The following SLC9A1 variants were observed in gnomAD, a reference collection of about 807,000 sequenced individuals.
SLC9A1 encodes sodium/hydrogen exchanger 1.
A neutral mutation model predicts 67.9 loss-of-function variants in SLC9A1; 22 were observed. That is an observed-to-expected ratio of 0.32 (90% confidence interval 0.23 to 0.46). The LOEUF is 0.46. SLC9A1 is among the 20% of genes least tolerant of loss of function. The probability of loss-of-function intolerance (pLI) is 1.00; values close to 1 mark genes in which losing one functional copy is unlikely to be tolerated. For synonymous variants in SLC9A1, 421 were observed against 471.8 expected (o/e 0.89, Z 1.40); for missense variants, 686 against 1,094.8 (o/e 0.63, Z 5.27).
intron 1 of SLC9A1, among the ~76,000 whole-genome samples, chr1:27,139,817 CAG>C (rs1352584964): frequency 2.7e-5 from 4 of 145,928 alleles, no homozygotes; most frequent in African/African-American, 7.6e-5. Flanking sequence ...TTTTTTGAAA[CAG>C]AGTTTCGCTG....
At chr1:27,116,366 C>G (rs1258016023) in intron 1 of SLC9A1, among the ~76,000 whole-genome samples, 3 of 151,826 alleles carry the variant, frequency 2.0e-5, no homozygotes, top group Non-Finnish European at 2.9e-5. Context: ...GCCTGGGCAA[C>G]AGAGCAAGAC....
At chr1:27,130,510 T>C (rs1035894568) in intron 1 of SLC9A1, among the ~76,000 whole-genome samples, 5 of 152,142 alleles carry the variant, frequency 3.3e-5, no homozygotes, top group Admixed American at 2.6e-4. Context: ...TAATGGGAAA[T>C]GGAGCTCCAC....
chr1:27,135,704 A>G (rs970834348), intron 1 of SLC9A1, among the ~76,000 whole-genome samples: 3 of 152,198 alleles, frequency 2.0e-5, no homozygotes, highest in African/African-American at 7.2e-5. Context: ...AAAGGGAACC[A>G]ATCCAAAAGC....
At chr1:27,132,934 T>C (rs745607115) in intron 1 of SLC9A1, among the ~76,000 whole-genome samples, 6 of 152,166 alleles carry the variant, frequency 3.9e-5, no homozygotes, top group African/African-American at 1.4e-4. Flanking sequence ...TGTGACGTGG[T>C]AGCTAAACAC....
intron 5 of SLC9A1, among the ~76,000 whole-genome samples, chr1:27,104,245 C>T (rs2083168635): frequency 6.6e-6 from 1 of 151,678 alleles, no homozygotes; most frequent in African/African-American, 2.4e-5. Flanking sequence ...CCACGCCCAG[C>T]TAATTTTTGT....
rs778322299 is a variant in SLC9A1, at chr1:27,106,134, C to T, written c.1283-47G>A. 9.5e-6 allele frequency: 12 copies of T among 1,265,272 alleles called. No individual in the cohort carries two copies. The highest frequency in any genetic ancestry group is 2.6e-4 in the Middle Eastern group (1 of 3,878). The allele number at this position is 1,265,272 out of a possible 1,614,324, so 78.4% of individuals were successfully genotyped here. Reference sequence around the variant, plus strand: ...GATGAGGGTCAGGTCGGGCTGTCCCCAGTCCCTCCTGGATTCTGCATCAGT... The same window carrying T: ...GATGAGGGTCAGGTCGGGCTGTCCCTAGTCCCTCCTGGATTCTGCATCAGT... On this transcript the variant is annotated intron_variant, in intron 4 of 11. Coordinates refer to ENST00000263980, the MANE Select transcript of SLC9A1 (RefSeq NM_003047.5). This position sits in a 1 kb window ranked among gnomAD's most constrained non-coding sequence, Gnocchi z 4.3.
chr1:27,111,579 T>C (rs995384682), intron 2 of SLC9A1, among the ~76,000 whole-genome samples: 5 of 152,142 alleles, frequency 3.3e-5, no homozygotes, highest in African/African-American at 1.2e-4. Context: ...GAGCATCGCT[T>C]GTGCCCGGGA....
chr1:27,154,401 A>G lies in SLC9A1; in HGVS notation c.-67T>C. 1 of 980,748 alleles carries G rather than the reference A, an allele frequency of 1.0e-6. No individual in the cohort carries two copies. Among genetic ancestry groups the G allele is most frequent in the East Asian group, 2.6e-5 (1 of 38,832 alleles). The allele number at this position is 980,748 out of a possible 1,614,324, so 60.8% of individuals were successfully genotyped here. A position where few individuals can be genotyped will look rare whatever the true frequency, so the allele number is the denominator to read the frequency against. ...AGTAAAACCGGGCACATAGGTAGCA[A>G]AGGGTCAGCAAGTGGGAAGAGAGAC... On this transcript the variant is annotated 5_prime_UTR_variant, in exon 1 of 12. Coordinates refer to ENST00000263980, the MANE Select transcript of SLC9A1 (RefSeq NM_003047.5).
Position 27,114,128 on chromosome 1 carries a change from G to C in SLC9A1, c.511C>G (p.Leu171Val), listed in dbSNP as rs2083250033. Residue 171 changes from leucine to valine, a missense_variant, in exon 2 of 12, where the codon CTG (leucine) becomes GTG (valine). By Grantham distance (32) the Leu-to-Val change is conservative. Transcript: ENST00000263980. This position sits in a 1 kb window ranked among gnomAD's most constrained non-coding sequence, Gnocchi z 5.4. ...FFLFLLPPII[L>V]DAGYFLPLRQ... ...AGTGGCAGGAAGTAGCCCGCATCCA[G>C]GATGATGGGCGGCAGCAGGAAGAGG... 6.2e-7 allele frequency: 1 copy of C among 1,614,102 alleles called. No homozygotes were observed.
Position 27,101,905 on chromosome 1 carries a change from C to T in SLC9A1, c.1936-79G>A, listed in dbSNP as rs780549981. On this transcript the variant is annotated intron_variant, in intron 9 of 11. Transcript: ENST00000263980. This position sits in a 1 kb window ranked among gnomAD's most constrained non-coding sequence, Gnocchi z 4.9. ...GAGGGGTGGGGGCAGTGCTGGAGGCCGGGCCAGTCCTGGGGTGGGTGCCGA... is the reference window on the plus strand; with the variant it reads ...GAGGGGTGGGGGCAGTGCTGGAGGCTGGGCCAGTCCTGGGGTGGGTGCCGA... The T allele has an allele frequency of 6.1e-4, 856 of 1,408,182 alleles. No homozygotes were observed. The highest frequency in any genetic ancestry group is 7.9e-4 in the Non-Finnish European group (786 of 999,106). The allele number at this position is 1,408,182 out of a possible 1,614,324, so 87.2% of individuals were successfully genotyped here.
chr1:27,107,883 G>C lies in SLC9A1; in HGVS notation c.1065-18C>G, dbSNP rs368149607. ...CTATGAGCCTGGAGCAGGAAAGAGC[G>C]GGGTCAGGGCTCCGTGTCGAGCTGC... On this transcript the variant is annotated intron_variant, in intron 3 of 11. Transcript: ENST00000263980. 1.1e-5 allele frequency: 17 copies of C among 1,564,012 alleles called. No individual in the cohort carries two copies. The highest frequency in any genetic ancestry group is 1.5e-5 in the Non-Finnish European group (17 of 1,148,712).
chr1:27,151,832 G>A (rs2083530694), intron 1 of SLC9A1, among the ~76,000 whole-genome samples: 1 of 152,174 alleles, frequency 6.6e-6, no homozygotes, highest in Admixed American at 6.5e-5. Context: ...CTCCACTCAT[G>A]GCCAGATGCT....
At chr1:27,140,090 G>A (rs769830311) in intron 1 of SLC9A1, among the ~76,000 whole-genome samples, 24 of 151,850 alleles carry the variant, frequency 1.6e-4, no homozygotes, top group Non-Finnish European at 3.1e-4. Context: ...ACCGCACCTG[G>A]CCAAAACACT....
intron 2 of SLC9A1, among the ~76,000 whole-genome samples, chr1:27,110,018 A>G (rs1200725984): frequency 6.6e-6 from 1 of 152,234 alleles, no homozygotes; most frequent in Non-Finnish European, 1.5e-5. Flanking sequence ...AGCTCTGTGA[A>G]GACCCTGAAG....
intron 4 of SLC9A1, among the ~76,000 whole-genome samples, chr1:27,107,358 ATAC>A (rs1183715223): frequency 1.6e-5 from 2 of 126,848 alleles, no homozygotes; most frequent in Non-Finnish European, 3.4e-5. Flanking sequence ...TCCACACAAC[ATAC>A]TACACACACA....
At position 27,128,627 on chromosome 1, in the gene SLC9A1, A is replaced by G. The variant is rs185772866; in HGVS notation, c.353-14341T>C. On this transcript the variant is annotated intron_variant, in intron 1 of 11. Transcript: ENST00000263980. ...GCCGAGATCATGCCAACTGCACTCT[A>G]TCCTGGGCAACAGGGTGAGACCCTG... is the stretch of plus-strand genomic sequence containing the variant. 6.3e-3 allele frequency among the ~76,000 whole-genome samples: 885 copies of G among 140,994 alleles called. 5 individuals are homozygous for G. The highest frequency in any genetic ancestry group is 7.6e-3 in the Non-Finnish European group (502 of 65,778). The allele number at this position is 140,994 out of a possible 152,430, so 92.5% of individuals were successfully genotyped here.
At chr1:27,110,816 TA>T (rs1402477483) in intron 2 of SLC9A1, among the ~76,000 whole-genome samples, 1 of 152,166 alleles carries the variant, frequency 6.6e-6, no homozygotes, top group Admixed American at 6.5e-5. Context: ...CTGCCTGGCC[TA>T]CTCAAGTCTG....
At position 27,106,694 on chromosome 1, in the gene SLC9A1, G is replaced by C. The variant is rs1486566005; in HGVS notation, c.1283-607C>G. ...GAGGCATGTGGGGCACATGTGAGTG[G>C]AACCCATGCACCTGGGGCCTGGTCC... On this transcript the variant is annotated intron_variant, in intron 4 of 11. Coordinates refer to ENST00000263980, the MANE Select transcript of SLC9A1 (RefSeq NM_003047.5). The surrounding 1 kb of genome is among the most constrained non-coding windows in gnomAD (Gnocchi z 4.3). 1.3e-5 allele frequency among the ~76,000 whole-genome samples: 2 copies of C among 152,064 alleles called. No individual in the cohort carries two copies. The highest frequency in any genetic ancestry group is 2.9e-5 in the Non-Finnish European group (2 of 67,982).
At chr1:27,111,805 C>T (rs1273604673) in intron 2 of SLC9A1, among the ~76,000 whole-genome samples, 1 of 152,086 alleles carries the variant, frequency 6.6e-6, no homozygotes, top group African/African-American at 2.4e-5. Context: ...ACAGGAGACT[C>T]TGTCTCTAAA....
Sources: gnomAD v4.1 joint callset for allele counts (sites outside exome capture counted in the v4.1 genomes callset) on GRCh38, gnomAD v4.1.1 for gene constraint, Gnocchi (gnomAD v3.1) non-coding constraint, MANE v1.5 for transcripts, NCBI Gene and HGNC (gene_info 2026-07-23, HGNC 2026-07-21) for gene names.